ZNF384: variants seen among roughly 807,000 people sequenced by gnomAD.
ZNF384 encodes zinc finger protein 384.
In ZNF384, 20 loss-of-function variants were observed where a neutral mutation model predicts 65.0. The observed-to-expected ratio is 0.31, with a 90% confidence interval of 0.22 to 0.45. The LOEUF (loss-of-function observed/expected upper bound fraction) is 0.45. Ranked by LOEUF, ZNF384 falls within the 20% of genes least tolerant of loss-of-function variation. The probability of loss-of-function intolerance (pLI) is 1.00; values close to 1 mark genes in which losing one functional copy is unlikely to be tolerated. For missense variants in ZNF384, 549 were observed against 769.4 expected (o/e 0.71, Z 3.39); for synonymous variants, 310 against 303.9 (o/e 1.02, Z -0.21).
chr12:6,675,285 T>C (rs1953061411), intron 7 of ZNF384, among the ~76,000 whole-genome samples: 1 of 152,230 alleles, frequency 6.6e-6, no homozygotes, highest in Non-Finnish European at 1.5e-5. Context: ...GGTTAGGCAC[T>C]TCAGACACAT....
intron 6 of ZNF384, among the ~76,000 whole-genome samples, chr12:6,677,738 A>T (rs1954221772): frequency 6.6e-6 from 1 of 152,100 alleles, no homozygotes; most frequent in Non-Finnish European, 1.5e-5. Flanking sequence ...GATGGCACAT[A>T]GGTTAGGTGC....
rs371895755 is a variant in ZNF384 at position 6,678,643 on chromosome 12, C to T, written c.352+20G>A. The T allele has an allele frequency of 6.2e-7, 1 of 1,613,486 alleles. No homozygotes were observed. The highest frequency in any genetic ancestry group is 8.5e-7 in the Non-Finnish European group (1 of 1,179,624). On this transcript the variant is annotated intron_variant, in intron 5 of 11. Coordinates refer to ENST00000683879, the MANE Select transcript of ZNF384 (RefSeq NM_001385745.1). The surrounding 1 kb of genome is among the most constrained non-coding windows in gnomAD (Gnocchi z 4.9). The stretch of plus-strand genomic sequence containing the variant: ...TCTCCTAACCCTTGTCCCCACCCCC[C>T]TGGTAACAGTGAGATTTACCCCTTG...
intron 2 of ZNF384, among the ~76,000 whole-genome samples, chr12:6,686,748 A>C: frequency 6.6e-6 from 1 of 152,242 alleles, no homozygotes. Flanking sequence ...GAAATGCCCC[A>C]AGTGCTCCTG....
chr12:6,667,856 C>G lies in ZNF384; in HGVS notation c.1685G>C (p.Gly562Ala), dbSNP rs151025137. Residue 562 changes from glycine (G) to alanine (A), a missense_variant, in exon 12 of 12, where the codon GGG (glycine) becomes GCG (alanine). By Grantham distance (60) the Gly-to-Ala change is moderately conservative. This residue lies in a region of ZNF384 where 136 missense variants were observed against 183.0 expected (regional missense o/e 0.74). Transcript: ENST00000683879. ...GTTGGGATTGCTGTCCCCACCACCC[C>G]CACCCTGGGGGGCTGCCCCAGGAGA... is the stretch of plus-strand genomic sequence containing the variant. Reference protein sequence around the residue: ...FQSPGAAPQGGGGGDSNPNPP... With the variant: ...FQSPGAAPQGAGGGDSNPNPP... 1.8e-5 allele frequency: 29 copies of G among 1,614,078 alleles called. No individual in the cohort carries two copies. In the African/African-American group the frequency reaches 3.7e-4, roughly 21 times the overall value.
At chr12:6,680,507 G>A (rs968484258) in intron 2 of ZNF384, among the ~76,000 whole-genome samples, 2 of 152,114 alleles carry the variant, frequency 1.3e-5, no homozygotes, top group Non-Finnish European at 2.9e-5. Flanking sequence ...AATTAGCTGG[G>A]CGTGGTGGCA....
intron 2 of ZNF384, among the ~76,000 whole-genome samples, chr12:6,684,923 G>A (rs1957352381): frequency 6.6e-6 from 1 of 152,070 alleles, no homozygotes; most frequent in Admixed American, 6.6e-5. Flanking sequence ...TCTATCTTTC[G>A]TGGAGGAAAT....
chr12:6,678,526 T>TC lies in ZNF384; in HGVS notation c.353-67dup. 6.5e-7 allele frequency: 1 copy of TC among 1,535,784 alleles called. No individual in the cohort carries two copies. Among genetic ancestry groups the TC allele is most frequent in the Non-Finnish European group, 8.9e-7 (1 of 1,127,016 alleles). On this transcript the variant is annotated intron_variant, in intron 5 of 11. Coordinates refer to ENST00000683879, the MANE Select transcript of ZNF384 (RefSeq NM_001385745.1). The surrounding 1 kb of genome is among the most constrained non-coding windows in gnomAD (Gnocchi z 4.9). ...GTCCTGATCCTAATCCTATTTCATT[T>TC]CCCCCAGATCATTGTCTAATTAACC...
At position 6,672,239 on chromosome 12, in the gene ZNF384, C is replaced by T; in HGVS notation, c.1187+111G>A. The T allele has an allele frequency of 8.2e-7, 1 of 1,219,368 alleles. No individual in the cohort carries two copies. Among genetic ancestry groups the T allele is most frequent in the Non-Finnish European group, 1.1e-6 (1 of 889,686 alleles). 75.5% of individuals were successfully genotyped at this position (1,219,368 alleles called of 1,614,324 possible). On this transcript the variant is annotated intron_variant, in intron 9 of 11. Coordinates refer to ENST00000683879, the MANE Select transcript of ZNF384 (RefSeq NM_001385745.1). This position sits in a 1 kb window ranked among gnomAD's most constrained non-coding sequence, Gnocchi z 4.4. Reference sequence around the variant, plus strand: ...CCAGATGCCAGCCAGGTCTCTCCTCCAGCCAGGTCTCTCCCCCGCCCCCCG... The same window carrying T: ...CCAGATGCCAGCCAGGTCTCTCCTCTAGCCAGGTCTCTCCCCCGCCCCCCG...
In ZNF384 at chr12:6,673,164, A is replaced by G. The variant is rs376800087; in HGVS notation, c.1004+52T>C. ...GGAGAGAGGAGTAGGTGCAGGCAAC[A>G]TGGTCTTAGGGTTCACGGCCAGGTG... On this transcript the variant is annotated intron_variant, in intron 8 of 11. Transcript: ENST00000683879. The surrounding 1 kb of genome is among the most constrained non-coding windows in gnomAD (Gnocchi z 4.7). 43 of 1,542,554 alleles carry G rather than the reference A, an allele frequency of 2.8e-5. 1 individual carries two copies. In the African/African-American group the frequency reaches 4.8e-4, roughly 17 times the overall value.
intron 10 of ZNF384, among the ~76,000 whole-genome samples, chr12:6,670,101 C>G (rs1950956261): frequency 6.6e-6 from 1 of 152,198 alleles, no homozygotes; most frequent in Non-Finnish European, 1.5e-5. Flanking sequence ...TGCAGCAGAT[C>G]TGAGAATCTA....
Position 6,678,031 on chromosome 12 carries a change from T to C in ZNF384, c.686+96A>G. The C allele has an allele frequency of 8.4e-7, 1 of 1,183,558 alleles. No individual in the cohort carries two copies. The highest frequency in any genetic ancestry group is 1.2e-6 in the Non-Finnish European group (1 of 829,374). 73.3% of individuals were successfully genotyped at this position (1,183,558 alleles called of 1,614,324 possible). A position where few individuals can be genotyped will look rare whatever the true frequency, so the allele number is the denominator to read the frequency against. On this transcript the variant is annotated intron_variant, in intron 6 of 11. Transcript: ENST00000683879. This position sits in a 1 kb window ranked among gnomAD's most constrained non-coding sequence, Gnocchi z 4.9. Reference sequence around the variant, plus strand: ...GCTCAGAGCTGGGAAGCTGTCAGAGTGTAGCGCCTGACCGGGGCAGAACAC... The same window carrying C: ...GCTCAGAGCTGGGAAGCTGTCAGAGCGTAGCGCCTGACCGGGGCAGAACAC...
At position 6,683,408 on chromosome 12, in the gene ZNF384, T is replaced by C. The variant is rs1229399672; in HGVS notation, c.-5-3883A>G. Among the ~76,000 whole-genome samples, 4 of 152,066 alleles carry C rather than the reference T, an allele frequency of 2.6e-5. No homozygotes were observed. The East Asian group carries it at 7.7e-4, about 29-fold the overall frequency. ...AATCAAGGAAGTTGGCTGGGTGTGG[T>C]GGCTCATGCCTGTAATCCTAACACT... On this transcript the variant is annotated intron_variant, in intron 2 of 11. Coordinates refer to ENST00000683879, the MANE Select transcript of ZNF384 (RefSeq NM_001385745.1).
chr12:6,669,008 G>A lies in ZNF384; in HGVS notation c.1425+23C>T, dbSNP rs1469758671. Reference sequence around the variant, plus strand: ...GTACTCTTAGAGGACTATGAGGAAGGAGAGAAGAAACGGAGCACTCACTGA... The same window carrying A: ...GTACTCTTAGAGGACTATGAGGAAGAAGAGAAGAAACGGAGCACTCACTGA... On this transcript the variant is annotated intron_variant, in intron 11 of 11. Coordinates refer to ENST00000683879, the MANE Select transcript of ZNF384 (RefSeq NM_001385745.1). 3.8e-6 allele frequency: 6 copies of A among 1,585,384 alleles called. No individual in the cohort carries two copies. In the African/African-American group the frequency reaches 4.0e-5, roughly 11 times the overall value.
In ZNF384 at chr12:6,672,242, C is replaced by G; in HGVS notation, c.1187+108G>C. 1 of 1,252,374 alleles carries G rather than the reference C, an allele frequency of 8.0e-7. No individual in the cohort carries two copies. Among genetic ancestry groups the G allele is most frequent in the East Asian group, 2.5e-5 (1 of 39,296 alleles). 77.6% of individuals were successfully genotyped at this position (1,252,374 alleles called of 1,614,324 possible). ...GATGCCAGCCAGGTCTCTCCTCCAG[C>G]CAGGTCTCTCCCCCGCCCCCCGCAT... On this transcript the variant is annotated intron_variant, in intron 9 of 11. Transcript: ENST00000683879. This position sits in a 1 kb window ranked among gnomAD's most constrained non-coding sequence, Gnocchi z 4.4.
Position 6,667,774 on chromosome 12 carries a change from C to T in ZNF384, c.1767G>A (p.Lys589=), listed in dbSNP as rs1189955002. 2.5e-6 allele frequency: 4 copies of T among 1,614,064 alleles called. No individual in the cohort carries two copies. In the African/African-American group the frequency reaches 4.0e-5, roughly 16 times the overall value. ...TGGTGGTGACAGTGAGGCAGATGTC[C>T]TTATGATGCTCCGCCGTCTTATACG... The part of the protein sequence containing the change: ...LTPYKTAEHH[K]DICLTVTTST... The change falls in exon 12 of 12, where the codon AAG becomes AAA. Residue 589 remains lysine, a synonymous_variant. Coordinates refer to ENST00000683879, the MANE Select transcript of ZNF384 (RefSeq NM_001385745.1).
rs760311684 is a variant in ZNF384 at position 6,678,870 on chromosome 12, C to T, written c.304+76G>A. 2 of 1,524,986 alleles carry T rather than the reference C, an allele frequency of 1.3e-6. No homozygotes were observed. The highest frequency in any genetic ancestry group is 4.5e-5 in the East Asian group (2 of 44,434). The allele number at this position is 1,524,986 out of a possible 1,614,324, so 94.5% of individuals were successfully genotyped here. On this transcript the variant is annotated intron_variant, in intron 4 of 11. Transcript: ENST00000683879. This position sits in a 1 kb window ranked among gnomAD's most constrained non-coding sequence, Gnocchi z 4.9. ...CAAACACATATCCCACTCCCCATGTCCTTGGAGCCCTCCAGCCTGGGGTAC... is the reference window on the plus strand; with the variant it reads ...CAAACACATATCCCACTCCCCATGTTCTTGGAGCCCTCCAGCCTGGGGTAC...
rs535882608 is a variant in ZNF384, at chr12:6,677,735, C to T, written c.686+392G>A. Among the ~76,000 whole-genome samples, 7 of 152,112 alleles carry T rather than the reference C, an allele frequency of 4.6e-5. No individual in the cohort carries two copies. The East Asian group carries it at 1.2e-3, about 25-fold the overall frequency. On this transcript the variant is annotated intron_variant, in intron 6 of 11. Coordinates refer to ENST00000683879, the MANE Select transcript of ZNF384 (RefSeq NM_001385745.1). ...GCGACCCAGGAACTGGTGGATGGCA[C>T]ATAGGTTAGGTGCTTACTAGAAAGG... is the stretch of plus-strand genomic sequence containing the variant.
At chr12:6,671,678 A>C (rs1049423871) in intron 9 of ZNF384, 12 of 152,374 alleles carry the variant, frequency 7.9e-5, no homozygotes, top group African/African-American at 2.9e-4. Flanking sequence ...ATGGCCTGTA[A>C]GTCTGGACTC....
rs1338627219 is a variant in ZNF384, at chr12:6,677,254, T to C, written c.692A>G (p.Glu231Gly). ...HQKDGKTYRS[E>G]GNCGTGNGQS... ...TCCATTTCCTGTGCCGCAGTTCCCT[T>C]CGCTCCTAAAATGGGAACAACATTG... The change falls in exon 7 of 12, where the codon GAA becomes GGA. Residue 231 changes from glutamate to glycine, a missense_variant. This residue lies in a region of ZNF384 where 277 missense variants were observed against 337.2 expected (regional missense o/e 0.82). Coordinates refer to ENST00000683879, the MANE Select transcript of ZNF384 (RefSeq NM_001385745.1). The C allele has an allele frequency of 7.6e-7, 1 of 1,312,602 alleles. No homozygotes were observed. Among genetic ancestry groups the C allele is most frequent in the Non-Finnish European group, 1.0e-6 (1 of 1,002,484 alleles). 81.3% of individuals were successfully genotyped at this position (1,312,602 alleles called of 1,614,324 possible). A position where few individuals can be genotyped will look rare whatever the true frequency, so the allele number is the denominator to read the frequency against.
Sources: gnomAD v4.1 joint callset for allele counts (sites outside exome capture counted in the v4.1 genomes callset) on GRCh38, gnomAD v4.1.1 for gene constraint, gnomAD v4.1.1 regional missense constraint, Gnocchi (gnomAD v3.1) non-coding constraint, MANE v1.5 for transcripts, NCBI Gene and HGNC (gene_info 2026-07-23, HGNC 2026-07-21) for gene names.